The following FBXO39 variants were observed in gnomAD, a reference collection of about 807,000 sequenced individuals.
FBXO39 encodes the protein F-box protein 39.
FBXO39 carries 22 observed loss-of-function variants against 36.6 expected under a neutral mutation model. The ratio of observed to expected loss-of-function variants is 0.60; its 90% confidence interval spans 0.43 to 0.86. The LOEUF (loss-of-function observed/expected upper bound fraction) is 0.86. Among genes scored for constraint, FBXO39 ranks in the 40% least tolerant of loss-of-function variants. FBXO39 has a pLI of 0.00. For missense variants in FBXO39, 536 were observed against 543.9 expected, an observed-to-expected ratio of 0.99 and a Z score of 0.14; for synonymous variants, 206 against 205.8, an observed-to-expected ratio of 1.00 and a Z score of -0.01.
intron 2 of FBXO39, among the ~76,000 whole-genome samples, chr17:6,786,111 A>G (rs1976566895): frequency 6.6e-6 from 1 of 152,268 alleles, no homozygotes; most frequent in African/African-American, 2.4e-5. Context: ...CTAAGTGTCC[A>G]TCAATGGATA....
chr17:6,782,411 G>A (rs912728624), intron 2 of FBXO39, among the ~76,000 whole-genome samples: 2 of 152,040 alleles, frequency 1.3e-5, no homozygotes, highest in African/African-American at 2.4e-5. Context: ...GAAATGTCCC[G>A]AGTAAGTCCC....
At position 6,780,437 on chromosome 17, in the gene FBXO39, G is replaced by A; in HGVS notation, c.569G>A (p.Arg190Lys). The A allele has an allele frequency of 6.2e-7, 1 of 1,614,134 alleles. No homozygotes were observed. The highest frequency in any genetic ancestry group is 1.1e-5 in the South Asian group (1 of 91,086). ...ATTCTCGACTCCCTCAGCTACATGA[G>A]GAATGAGAATGTGATCTCAGAGCTC... ...CQILDSLSYM[R>K]NENVISELNI... The change falls in exon 2 of 4, where the codon AGG (arginine) becomes AAG (lysine). Residue 190 changes from arginine to lysine, a missense_variant. By Grantham distance (26) the Arg-to-Lys change is conservative. Coordinates refer to ENST00000321535, the MANE Select transcript of FBXO39 (RefSeq NM_153230.3).
At position 6,780,604 on chromosome 17, in the gene FBXO39, G is replaced by A. The variant is rs1240711845; in HGVS notation, c.736G>A (p.Glu246Lys). ...ISDELLENLC[E>K]NASTLRTINI... is the part of the protein sequence containing the mutation. ...CGACGAGCTGCTTGAGAACTTGTGT[G>A]AGAATGCCAGCACCCTCCGGACCAT... is the stretch of plus-strand genomic sequence containing the variant. Residue 246 changes from glutamate to lysine, a missense_variant, in exon 2 of 4, where the codon GAG becomes AAG. Physicochemically the swap from Glu to Lys is moderately conservative, Grantham distance 56. Coordinates refer to ENST00000321535, the MANE Select transcript of FBXO39 (RefSeq NM_153230.3). 1.2e-6 allele frequency: 2 copies of A among 1,614,072 alleles called. No individual in the cohort carries two copies. Among genetic ancestry groups the A allele is most frequent in the Admixed American group, 3.3e-5 (2 of 60,024 alleles).
chr17:6,784,766 CA>C (rs201304557), intron 2 of FBXO39, among the ~76,000 whole-genome samples: 9,544 of 151,458 alleles, frequency 0.063, 966 homozygotes, highest in African/African-American at 0.21. Flanking sequence ...GAAAAGGACA[CA>C]AAAAAATGGA....
At chr17:6,785,348 A>G (rs1976558391) in intron 2 of FBXO39, among the ~76,000 whole-genome samples, 1 of 152,166 alleles carries the variant, frequency 6.6e-6, no homozygotes, top group South Asian at 2.1e-4. Context: ...TCAAATCAAA[A>G]TGGACTAAAG....
In FBXO39 at chr17:6,782,385, C is replaced by A. The variant is rs57012660; in HGVS notation, c.1023+1494C>A. ...AGAAGGAAGAGAAGACCGCAAAAAA[C>A]CAGAAAACAAATAACGAAATGTCCC... On this transcript the variant is annotated intron_variant, in intron 2 of 3. Coordinates refer to ENST00000321535, the MANE Select transcript of FBXO39 (RefSeq NM_153230.3). Among the ~76,000 whole-genome samples the A allele has an allele frequency of 3.7e-4, 56 of 152,140 alleles. 1 individual carries two copies. Among genetic ancestry groups the A allele is most frequent in the African/African-American group, 9.2e-4 (38 of 41,520 alleles).
At position 6,780,327 on chromosome 17, in the gene FBXO39, GAGCTTCTTCTTAAAGA is replaced by G; in HGVS notation, c.462_477del (p.Ser154ArgfsTer11). 6.2e-7 allele frequency: 1 copy of G among 1,614,154 alleles called. No individual in the cohort carries two copies. ...TCAGGAGCTCATTCATCAGCAGCTT[GAGCTTCTTCTTAAAGA>G]AGATGGGCAAACGCCTGGATTATCT... On this transcript the variant is annotated frameshift_variant, in exon 2 of 4. Coordinates refer to ENST00000321535, the MANE Select transcript of FBXO39 (RefSeq NM_153230.3). LOFTEE classifies it high-confidence loss of function.
intron 1 of FBXO39, among the ~76,000 whole-genome samples, chr17:6,777,076 C>A (rs1976430355): frequency 6.6e-6 from 1 of 152,112 alleles, no homozygotes; most frequent in East Asian, 1.9e-4. Flanking sequence ...CAAAAGGTTT[C>A]ATGGAGCTTT....
Position 6,787,338 on chromosome 17 carries a change from G to A in FBXO39, c.1239G>A (p.Glu413=), listed in dbSNP as rs1976588243. The change falls in exon 4 of 4, where the codon GAG becomes GAA. Residue 413 remains glutamate, a synonymous_variant. Transcript: ENST00000321535. ...IYTNRYETNE[E]DKTLQEIYRK... ...CAAACAGATATGAGACGAATGAAGA[G>A]GACAAGACCCTGCAGGAAATTTACA... 1 of 1,613,916 alleles carries A rather than the reference G, an allele frequency of 6.2e-7. No individual in the cohort carries two copies. The highest frequency in any genetic ancestry group is 8.5e-7 in the Non-Finnish European group (1 of 1,179,974).
intron 1 of FBXO39, among the ~76,000 whole-genome samples, 178 bp from the exon 2 acceptor site, chr17:6,779,611 T>C (rs942243562): frequency 5.9e-5 from 9 of 152,240 alleles, no homozygotes; most frequent in Admixed American, 4.6e-4. Flanking sequence ...TGAGTACTGG[T>C]CTGTATCCCT....
At chr17:6,779,469 G>A (rs761750144) in intron 1 of FBXO39, among the ~76,000 whole-genome samples, 3 of 152,132 alleles carry the variant, frequency 2.0e-5, no homozygotes, top group African/African-American at 2.4e-5. Context: ...CAACTCAGAC[G>A]TCGCTTCCTC....
intron 2 of FBXO39, among the ~76,000 whole-genome samples, chr17:6,782,977 C>A (rs2151574357): frequency 6.6e-6 from 1 of 152,230 alleles, no homozygotes; most frequent in African/African-American, 2.4e-5. Context: ...ACACACTCTT[C>A]TCTTTAGCAC....
intron 2 of FBXO39, among the ~76,000 whole-genome samples, chr17:6,782,519 C>G (rs545182586): frequency 2.0e-5 from 3 of 152,166 alleles, no homozygotes; most frequent in Admixed American, 1.3e-4. Context: ...TTATCTGCTG[C>G]CTACAAGTAA....
At chr17:6,783,550 CAA>C (rs1372136159) in intron 2 of FBXO39, among the ~76,000 whole-genome samples, 2 of 151,746 alleles carry the variant, frequency 1.3e-5, no homozygotes, top group Non-Finnish European at 2.9e-5. Context: ...TAAATAAAAT[CAA>C]GAGATGAAAA....
At chr17:6,781,405 G>C (rs74876215) in intron 2 of FBXO39, among the ~76,000 whole-genome samples, 6 of 152,064 alleles carry the variant, frequency 3.9e-5, no homozygotes, top group Admixed American at 1.3e-4. Flanking sequence ...AGAGTTTCTG[G>C]GTTGTTCCCT....
At chr17:6,779,552 C>T (rs1002050563) in intron 1 of FBXO39, among the ~76,000 whole-genome samples, 1 of 152,190 alleles carries the variant, frequency 6.6e-6, no homozygotes, top group Non-Finnish European at 1.5e-5. Context: ...TGTGCTACCC[C>T]ACACTATGAG....
chr17:6,785,339 C>A (rs1976558305), intron 2 of FBXO39, among the ~76,000 whole-genome samples: 1 of 152,060 alleles, frequency 6.6e-6, no homozygotes, highest in African/African-American at 2.4e-5. Flanking sequence ...ATATGAAAAT[C>A]AAATCAAAAT....
In FBXO39 at chr17:6,787,598, C is replaced by T; in HGVS notation, c.*170C>T. ...CAGCTCAGCAAAGGCTGAGACTGCC[C>T]ATGACCTGAAGGCTCCAGGTGGCTT... On this transcript the variant is annotated 3_prime_UTR_variant, in exon 4 of 4. Transcript: ENST00000321535. 3.0e-6 allele frequency: 2 copies of T among 664,012 alleles called. No homozygotes were observed. The highest frequency in any genetic ancestry group is 4.0e-5 in the South Asian group (2 of 50,052). The allele number at this position is 664,012 out of a possible 1,614,324, so 41.1% of individuals were successfully genotyped here. A position where few individuals can be genotyped will look rare whatever the true frequency, so the allele number is the denominator to read the frequency against.
intron 1 of FBXO39, among the ~76,000 whole-genome samples, chr17:6,778,145 G>C (rs984846674): frequency 1.3e-5 from 2 of 152,198 alleles, no homozygotes; most frequent in African/African-American, 4.8e-5. Flanking sequence ...GCTGCTAGAC[G>C]CAATGGGTGA....
Sources: gnomAD v4.1 joint callset for allele counts (sites outside exome capture counted in the v4.1 genomes callset) on GRCh38, gnomAD v4.1.1 for gene constraint, MANE v1.5 for transcripts, NCBI Gene and HGNC (gene_info 2026-07-23, HGNC 2026-07-21) for gene names.